Variants in F8 observed in about 807,000 individuals in gnomAD.
The protein encoded by F8 is coagulation factor VIII.
F8 carries 12 observed loss-of-function variants against 140.6 expected under a neutral mutation model. That is an observed-to-expected ratio of 0.09 (90% CI 0.05 to 0.14). F8 has a LOEUF of 0.14. Among genes scored for constraint, F8 ranks in the 10% least tolerant of loss-of-function variants. The probability of loss-of-function intolerance (pLI) is 1.00; values close to 1 mark genes in which losing one functional copy is unlikely to be tolerated. For missense variants in F8, 1,354 were observed against 1,720.7 expected (o/e 0.79, Z 3.77); for synonymous variants, 585 against 614.6 (o/e 0.95, Z 0.71).
chrX:154,922,039 AAAAAC>A (rs781985765), intron 14 of F8, among the ~76,000 whole-genome samples: 19 of 112,180 alleles, frequency 1.7e-4, no homozygotes, highest in Admixed American at 1.6e-3. Flanking sequence ...AAAAAGAAAC[AAAAAC>A]AAAACAAAAC....
chrX:154,958,134 TAG>T (rs1282509847), intron 10 of F8, among the ~76,000 whole-genome samples: 1 of 111,171 alleles, frequency 9.0e-6, no homozygotes, highest in Admixed American at 9.6e-5. Context: ...ATGGTTTCTT[TAG>T]AGTTACCATG....
intron 21 of F8, among the ~76,000 whole-genome samples, chrX:154,898,744 A>C (rs190679418): frequency 1.1e-4 from 12 of 112,320 alleles, no homozygotes; most frequent in Admixed American, 1.0e-3. Flanking sequence ...CAGTATTAGA[A>C]AGTTTACTGA....
chrX:155,006,252 A>G (rs1370830313), intron 1 of F8, among the ~76,000 whole-genome samples: 1 of 95,078 alleles, frequency 1.1e-5, no homozygotes, highest in African/African-American at 4.0e-5. Context: ...AGAAACACTG[A>G]AAACATGTGA....
At chrX:154,925,591 T>C (rs1465730801) in intron 14 of F8, among the ~76,000 whole-genome samples, 1 of 112,700 alleles carries the variant, frequency 8.9e-6, no homozygotes, top group Non-Finnish European at 1.9e-5. Context: ...ATGCAAGACA[T>C]GGAGTCAAAG....
intron 14 of F8, among the ~76,000 whole-genome samples, chrX:154,925,900 G>A (rs1461911360): frequency 5.4e-5 from 6 of 111,819 alleles, no homozygotes; most frequent in African/African-American, 1.6e-4. Context: ...GAAATGTGAG[G>A]ACACGAGATT....
chrX:154,925,753 C>A (rs1487595403), intron 14 of F8, among the ~76,000 whole-genome samples: 1 of 112,822 alleles, frequency 8.9e-6, no homozygotes, highest in Non-Finnish European at 1.9e-5. Context: ...AAGTAACTAA[C>A]TTGCTTTTGA....
chrX:154,870,482 G>A (rs1396684917), intron 22 of F8, among the ~76,000 whole-genome samples: 1 of 111,102 alleles, frequency 9.0e-6, no homozygotes, highest in African/African-American at 3.3e-5. Flanking sequence ...AAAGGCCTTC[G>A]ATAAAATTCA....
At chrX:154,846,792 T>TA (rs1453816958) in intron 25 of F8, among the ~76,000 whole-genome samples, 6 of 111,814 alleles carry the variant, frequency 5.4e-5, no homozygotes, top group Non-Finnish European at 9.4e-5. Flanking sequence ...TGTTTAAGGT[T>TA]AATATTGTTA....
At position 154,980,441 on chromosome X, in the gene F8, A is replaced by G. The variant is rs782817300; in HGVS notation, c.787+4246T>C. Among the ~76,000 whole-genome samples the G allele has an allele frequency of 4.5e-5, 5 of 111,604 alleles. No homozygotes were observed. The East Asian group carries it at 1.4e-3, about 31-fold the overall frequency. On this transcript the variant is annotated intron_variant, in intron 6 of 25. Transcript: ENST00000360256. ...TATAAAAGTTTGTTGAGTTTTCTTA[A>G]AATAGCTATTTTGAATTCTTTGTCT...
intron 25 of F8, among the ~76,000 whole-genome samples, chrX:154,849,348 G>A (rs1422665297): frequency 9.0e-6 from 1 of 110,929 alleles, no homozygotes; most frequent in Non-Finnish European, 1.9e-5. Context: ...CAATAGAGCT[G>A]TAATCGATAT....
intron 14 of F8, among the ~76,000 whole-genome samples, chrX:154,911,154 G>T (rs1374837231): frequency 9.2e-6 from 1 of 108,667 alleles, no homozygotes; most frequent in Non-Finnish European, 1.9e-5. Flanking sequence ...ACCAGTGCCG[G>T]CGCGGGTCCT....
chrX:155,022,443 T>C lies in F8; in HGVS notation c.110A>G (p.Gln37Arg), dbSNP rs782650023. 4.1e-6 allele frequency: 5 copies of C among 1,211,281 alleles called. No homozygotes were observed. In the South Asian group the frequency reaches 5.3e-5, roughly 13 times the overall value. ...GAVELSWDYM[Q>R]SDLGELPVDA... Reference sequence around the variant, plus strand: ...CACAGGCAGCTCACCGAGATCACTTTGCATATAGTCCCATGACAGTTCCAC... The same window carrying C: ...CACAGGCAGCTCACCGAGATCACTTCGCATATAGTCCCATGACAGTTCCAC... Residue 37 changes from glutamine to arginine, a missense_variant, in exon 1 of 26, where the codon CAA becomes CGA. This residue lies in a region of F8 where 128 missense variants were observed against 230.4 expected (regional missense o/e 0.56). Coordinates refer to ENST00000360256, the MANE Select transcript of F8 (RefSeq NM_000132.4).
intron 13 of F8, among the ~76,000 whole-genome samples, chrX:154,945,543 C>T: frequency 8.9e-6 from 1 of 112,085 alleles, no homozygotes; most frequent in Admixed American, 9.5e-5. Context: ...TTAAATTCAA[C>T]ATCCCTTCAT....
At chrX:154,941,342 C>CA (rs2073262034) in intron 13 of F8, among the ~76,000 whole-genome samples, 1 of 110,565 alleles carries the variant, frequency 9.0e-6, no homozygotes. Context: ...AAGTGGAAAA[C>CA]AAAAAAAGGC....
intron 1 of F8, among the ~76,000 whole-genome samples, chrX:155,018,009 T>C (rs1402500911): frequency 9.1e-6 from 1 of 109,348 alleles, no homozygotes; most frequent in Non-Finnish European, 1.9e-5. Flanking sequence ...GGATTACAGG[T>C]GAGCACCACC....
At chrX:155,012,198 C>T (rs372532595) in intron 1 of F8, among the ~76,000 whole-genome samples, 34 of 112,152 alleles carry the variant, frequency 3.0e-4, no homozygotes, top group African/African-American at 1.1e-3. Flanking sequence ...AAAAGAATCT[C>T]CACACTGAAA....
At chrX:154,875,179 A>G (rs1230377045) in intron 22 of F8, among the ~76,000 whole-genome samples, 7 of 112,040 alleles carry the variant, frequency 6.2e-5, no homozygotes, top group South Asian at 3.8e-4. Flanking sequence ...AACTCATAAA[A>G]GCAGACAGTA....
intron 22 of F8, among the ~76,000 whole-genome samples, chrX:154,876,312 T>G (rs186917862): frequency 4.0e-4 from 44 of 109,114 alleles, no homozygotes; most frequent in South Asian, 8.0e-4. Context: ...GTAGAGACGG[T>G]GTTTCACCGT....
chrX:154,903,842 A>AC lies in F8; in HGVS notation c.5998+63dup. ...CACTGATTGTGTTCCCAGTGCCTAG[A>AC]CCATTTAAAGTAAGTACTCAACAAA... is the stretch of plus-strand genomic sequence containing the variant. On this transcript the variant is annotated intron_variant, in intron 18 of 25. Transcript: ENST00000360256. 3.0e-6 allele frequency: 3 copies of AC among 1,004,316 alleles called. 1 individual carries two copies. Among genetic ancestry groups the AC allele is most frequent in the Non-Finnish European group, 1.4e-6 (1 of 707,769 alleles). 82.8% of individuals were successfully genotyped at this position (1,004,316 alleles called of 1,213,427 possible). A position where few individuals can be genotyped will look rare whatever the true frequency, so the allele number is the denominator to read the frequency against.
Sources: gnomAD v4.1 joint callset for allele counts (sites outside exome capture counted in the v4.1 genomes callset) on GRCh38, gnomAD v4.1.1 for gene constraint, gnomAD v4.1.1 regional missense constraint, MANE v1.5 for transcripts, NCBI Gene and HGNC (gene_info 2026-07-23, HGNC 2026-07-21) for gene names.